Variants in CRTAM observed in about 807,000 individuals in gnomAD.
CRTAM encodes the protein cytotoxic and regulatory T-cell molecule.
CRTAM carries 44 observed loss-of-function variants against 50.0 expected under a neutral mutation model. That is an observed-to-expected ratio of 0.88 (90% CI 0.69 to 1.13). The LOEUF is 1.13. Ranked by LOEUF, CRTAM falls within the 50% of genes most tolerant of loss-of-function variation. The pLI is 0.00. For synonymous variants in CRTAM, 159 were observed against 169.3 expected (o/e 0.94, Z 0.47); for missense variants, 448 against 457.5 (o/e 0.98, Z 0.19).
In CRTAM at chr11:122,867,683, A is replaced by G. The variant is rs1862197438; in HGVS notation, c.964+128A>G. The stretch of plus-strand genomic sequence containing the variant: ...ATCTATTTGATAAGTGCTGTCTCAG[A>G]TAAGCAATTGTTTGTTTTCTAGTAA... On this transcript the variant is annotated intron_variant, in intron 8 of 9. Coordinates refer to ENST00000227348, the MANE Select transcript of CRTAM (RefSeq NM_019604.4). The G allele has an allele frequency of 1.5e-5, 14 of 943,748 alleles. No individual in the cohort carries two copies. The South Asian group carries it at 2.6e-4, about 17-fold the overall frequency. The allele number at this position is 943,748 out of a possible 1,614,324, so 58.5% of individuals were successfully genotyped here.
chr11:122,867,622 T>C, intron 8 of CRTAM, 67 bp downstream of exon 8: 1 of 1,498,330 alleles, frequency 6.7e-7, no homozygotes, highest in East Asian at 2.3e-5. Flanking sequence ...AAAAGGGAAA[T>C]TCTGTCCATT....
intron 5 of CRTAM, among the ~76,000 whole-genome samples, chr11:122,861,983 G>T (rs1340250246): frequency 6.6e-6 from 1 of 152,068 alleles, no homozygotes; most frequent in Non-Finnish European, 1.5e-5. Context: ...ACTCGAAGAG[G>T]TAAATGCTGT....
At chr11:122,859,889 A>T (rs1862050902) in intron 5 of CRTAM, among the ~76,000 whole-genome samples, 1 of 152,160 alleles carries the variant, frequency 6.6e-6, no homozygotes, top group African/African-American at 2.4e-5. Flanking sequence ...AGTTCTACAG[A>T]ACTTTCCAAT....
intron 3 of CRTAM, among the ~76,000 whole-genome samples, chr11:122,853,098 C>G (rs927093955): frequency 3.3e-5 from 5 of 149,956 alleles, no homozygotes; most frequent in East Asian, 2.0e-4. Context: ...GGGTCTTGCT[C>G]TGTTGCCCGG....
At chr11:122,854,661 C>CAA (rs35830458) in intron 4 of CRTAM, among the ~76,000 whole-genome samples, 39,525 of 127,352 alleles carry the variant, frequency 0.31, 5,492 homozygotes, top group Admixed American at 0.39. Context: ...AAAATTCTAT[C>CAA]AAAAAAAAAA....
At chr11:122,862,585 C>T (rs367559366) in intron 6 of CRTAM, 41 bp downstream of exon 6, 30 of 1,249,346 alleles carry the variant, frequency 2.4e-5, no homozygotes, top group East Asian at 4.7e-5. Context: ...TAAAAAATCA[C>T]GTTTCCTTGG....
chr11:122,843,161 C>T (rs1462981186), intron 1 of CRTAM, among the ~76,000 whole-genome samples: 2 of 152,178 alleles, frequency 1.3e-5, no homozygotes, highest in Non-Finnish European at 2.9e-5. Context: ...GTTACTGCTG[C>T]TTGTCCTTTT....
chr11:122,860,617 T>C (rs1184603958), intron 5 of CRTAM, among the ~76,000 whole-genome samples: 1 of 152,200 alleles, frequency 6.6e-6, no homozygotes, highest in African/African-American at 2.4e-5. Context: ...TAAACATAAT[T>C]TTCTGAATTC....
chr11:122,860,242 G>T (rs1470816690), intron 5 of CRTAM, among the ~76,000 whole-genome samples: 1 of 152,008 alleles, frequency 6.6e-6, no homozygotes, highest in Non-Finnish European at 1.5e-5. Context: ...GTAGAGTCAG[G>T]TTTCACCATG....
intron 5 of CRTAM, among the ~76,000 whole-genome samples, chr11:122,856,880 G>A (rs535543028): frequency 4.1e-4 from 63 of 152,088 alleles, no homozygotes; most frequent in Admixed American, 3.9e-4. Flanking sequence ...GAGCTGTACA[G>A]TAACCTTACA....
chr11:122,840,232 C>T (rs1251659196), intron 1 of CRTAM, among the ~76,000 whole-genome samples: 1 of 152,076 alleles, frequency 6.6e-6, no homozygotes, highest in Non-Finnish European at 1.5e-5. Context: ...ATGCACAGTG[C>T]TGAGTACTTT....
intron 5 of CRTAM, among the ~76,000 whole-genome samples, chr11:122,860,560 T>C (rs973475857): frequency 2.0e-5 from 3 of 152,260 alleles, no homozygotes; most frequent in Non-Finnish European, 2.9e-5. Context: ...TCAAAGTAAA[T>C]ACAGAGTCTA....
chr11:122,847,269 T>G (rs370664324), intron 1 of CRTAM, among the ~76,000 whole-genome samples: 9 of 152,288 alleles, frequency 5.9e-5, no homozygotes, highest in African/African-American at 2.2e-4. Context: ...GTGTTACCAT[T>G]GCATCATATG....
intron 1 of CRTAM, among the ~76,000 whole-genome samples, chr11:122,839,093 G>C (rs61910289): frequency 0.025 from 3,860 of 151,992 alleles, 76 homozygotes; most frequent in Non-Finnish European, 0.04. Context: ...CACCACGCCC[G>C]GCTAATTTTT....
chr11:122,857,822 C>A (rs1157306832), intron 5 of CRTAM, among the ~76,000 whole-genome samples: 1 of 152,168 alleles, frequency 6.6e-6, no homozygotes, highest in Non-Finnish European at 1.5e-5. Context: ...GAAAGAAGTG[C>A]CTTCCTCTGA....
intron 9 of CRTAM, among the ~76,000 whole-genome samples, chr11:122,868,981 C>G (rs952285389): frequency 6.6e-6 from 1 of 151,976 alleles, no homozygotes; most frequent in Admixed American, 6.6e-5. Context: ...TGCACTCCAA[C>G]CTGGGTGACA....
chr11:122,856,377 C>G (rs1408150803), intron 5 of CRTAM, among the ~76,000 whole-genome samples: 2 of 152,120 alleles, frequency 1.3e-5, no homozygotes, highest in Non-Finnish European at 2.9e-5. Flanking sequence ...TTTAAACATC[C>G]AATATTAAAT....
In CRTAM at chr11:122,864,646, G is replaced by T. The variant is rs758421961; in HGVS notation, c.744G>T (p.Thr248=). ...CTTCTTTCACTTTAGTCTCAGTAAC[G>T]GAAGATTCTAGTACATCGGAGATTG... ...PQQPTSTVSV[T]EDSSTSEIDK... is the part of the protein sequence containing the mutation. Residue 248 remains threonine, a synonymous_variant, in exon 7 of 10, where the codon ACG becomes ACT. Transcript: ENST00000227348. 16 of 1,611,792 alleles carry T rather than the reference G, an allele frequency of 9.9e-6. No homozygotes were observed. Among genetic ancestry groups the T allele is most frequent in the African/African-American group, 1.3e-5 (1 of 74,984 alleles).
chr11:122,867,883 A>G, intron 8 of CRTAM, 130 bp from the exon 9 acceptor site: 1 of 646,710 alleles, frequency 1.5e-6, no homozygotes. Flanking sequence ...TGAATTAATG[A>G]GGTATGAGTT....
Sources: allele counts gnomAD v4.1 joint callset (sites outside exome capture counted in the v4.1 genomes callset), GRCh38; gene constraint gnomAD v4.1.1; transcripts MANE v1.5; gene names NCBI Gene and HGNC (gene_info 2026-07-23, HGNC 2026-07-21).